The following PKN2 variants were observed in gnomAD, a reference collection of about 807,000 sequenced individuals.
PKN2 encodes serine/threonine-protein kinase N2.
A neutral mutation model predicts 119.1 loss-of-function variants in PKN2; 38 were observed. The ratio of observed to expected loss-of-function variants is 0.32; its 90% CI spans 0.25 to 0.42. PKN2 has a LOEUF of 0.42. Among genes scored for constraint, PKN2 ranks in the 10% least tolerant of loss-of-function variants. PKN2 has a pLI of 1.00. For missense variants in PKN2, 850 were observed against 1,165.1 expected, an observed-to-expected ratio of 0.73 and a Z score of 3.94; for synonymous variants, 390 against 384.9, an observed-to-expected ratio of 1.01 and a Z score of -0.15.
At chr1:88,745,999 G>A (rs1668753557) in intron 2 of PKN2, among the ~76,000 whole-genome samples, 1 of 152,090 alleles carries the variant, frequency 6.6e-6, no homozygotes, top group African/African-American at 2.4e-5. Context: ...TTCAATAAAT[G>A]GTGTTGGGAA....
rs1394563114 is a variant in PKN2, at chr1:88,731,774, G to C, written c.49-9214G>C. Reference sequence around the variant, plus strand: ...ACTACTCTGGGAACTGGGCCAGTGAGGAGTAAACATCCTCTCCTGTCTCTC... The same window carrying C: ...ACTACTCTGGGAACTGGGCCAGTGACGAGTAAACATCCTCTCCTGTCTCTC... On this transcript the variant is annotated intron_variant, in intron 1 of 21. Coordinates refer to ENST00000370521, the MANE Select transcript of PKN2 (RefSeq NM_006256.4). Among the ~76,000 whole-genome samples, 4 of 152,300 alleles carry C rather than the reference G, an allele frequency of 2.6e-5. No homozygotes were observed. In the East Asian group the frequency reaches 5.8e-4, roughly 22 times the overall value.
At chr1:88,812,212 C>T (rs1671807723) in intron 15 of PKN2, among the ~76,000 whole-genome samples, 1 of 152,124 alleles carries the variant, frequency 6.6e-6, no homozygotes, top group Non-Finnish European at 1.5e-5. Flanking sequence ...AGCCTTGCTC[C>T]TTTATCTCGC....
At chr1:88,813,489 TA>T (rs1445278623) in intron 15 of PKN2, 67 bp from the exon 16 acceptor site, 1 of 1,134,084 alleles carries the variant, frequency 8.8e-7, no homozygotes, top group Non-Finnish European at 1.2e-6. Context: ...TTTAGTAATT[TA>T]TAAAGAATGT....
In PKN2 at chr1:88,760,245, C is replaced by T. The variant is rs752005316; in HGVS notation, c.373C>T (p.Pro125Ser). The T allele has an allele frequency of 6.4e-7, 1 of 1,569,806 alleles. No homozygotes were observed. Among genetic ancestry groups the T allele is most frequent in the Non-Finnish European group, 8.7e-7 (1 of 1,146,336 alleles). The change falls in exon 3 of 22, where the codon CCA becomes TCA. Residue 125 changes from proline to serine, a missense_variant. This residue lies in a region of PKN2 where 350 missense variants were observed against 511.1 expected (regional missense o/e 0.68). Coordinates refer to ENST00000370521, the MANE Select transcript of PKN2 (RefSeq NM_006256.4). ...AGATTGCCCAAGGACTCCAGATACT[C>T]CAAATAATGACCCTCGTTGTTCTAC... ...ITDCPRTPDT[P>S]NNDPRCSTSN...
At chr1:88,720,854 A>G (rs1490548188) in intron 1 of PKN2, among the ~76,000 whole-genome samples, 1 of 152,098 alleles carries the variant, frequency 6.6e-6, no homozygotes, top group African/African-American at 2.4e-5. Context: ...CTTAGCTCCC[A>G]CTTATGAGTG....
chr1:88,761,354 A>T (rs1459384244), intron 3 of PKN2, among the ~76,000 whole-genome samples: 35 of 151,980 alleles, frequency 2.3e-4, no homozygotes, highest in Non-Finnish European at 8.8e-5. Flanking sequence ...TTATTTTAGT[A>T]GATATTTTTT....
intron 6 of PKN2, among the ~76,000 whole-genome samples, chr1:88,774,695 T>G (rs1053365490): frequency 2.6e-5 from 4 of 152,010 alleles, no homozygotes; most frequent in Non-Finnish European, 5.9e-5. Flanking sequence ...TTTGATTGAA[T>G]TTTTCTACTC....
intron 1 of PKN2, among the ~76,000 whole-genome samples, chr1:88,703,640 A>G (rs1049724975): frequency 1.3e-5 from 2 of 152,324 alleles, no homozygotes; most frequent in East Asian, 3.9e-4. Flanking sequence ...CTCTCATCAC[A>G]GAATATGACT....
At chr1:88,764,267 A>G (rs1570594852) in intron 3 of PKN2, among the ~76,000 whole-genome samples, 3 of 152,186 alleles carry the variant, frequency 2.0e-5, no homozygotes. Context: ...CTAGGTATCT[A>G]TTCTCCCAAG....
chr1:88,807,145 C>T (rs1350871418), intron 12 of PKN2, among the ~76,000 whole-genome samples, 168 bp from the exon 13 acceptor site: 1 of 151,878 alleles, frequency 6.6e-6, no homozygotes, highest in East Asian at 1.9e-4. Context: ...GTGAGACCCA[C>T]CTCTAAAAAA....
At chr1:88,785,343 C>A (rs116376397) in intron 7 of PKN2, among the ~76,000 whole-genome samples, 1 of 151,952 alleles carries the variant, frequency 6.6e-6, no homozygotes, top group Non-Finnish European at 1.5e-5. Flanking sequence ...AGGATGGTCT[C>A]GAACTCAGGG....
chr1:88,741,081 A>G lies in PKN2; in HGVS notation c.142A>G (p.Ile48Val). The part of the protein sequence containing the change: ...DTMVQQKLDD[I>V]KDRIKREIRK... Reference sequence around the variant, plus strand: ...AATGGTGCAGCAGAAATTGGATGATATCAAGGATCGAATTAAGAGAGAAAT... The same window carrying G: ...AATGGTGCAGCAGAAATTGGATGATGTCAAGGATCGAATTAAGAGAGAAAT... Residue 48 changes from isoleucine to valine, a missense_variant, in exon 2 of 22, where the codon ATC becomes GTC. Physicochemically the swap from Ile to Val is conservative, Grantham distance 29. Transcript: ENST00000370521. 6.2e-7 allele frequency: 1 copy of G among 1,610,554 alleles called. No individual in the cohort carries two copies. Among genetic ancestry groups the G allele is most frequent in the Non-Finnish European group, 8.5e-7 (1 of 1,178,370 alleles).
intron 17 of PKN2, 30 bp downstream of exon 17, chr1:88,822,033 C>CTTGCT (rs1672316552): frequency 8.9e-6 from 13 of 1,467,548 alleles, no homozygotes; most frequent in Non-Finnish European, 1.2e-5. Context: ...TTTCTAATGG[C>CTTGCT]TTGCTTTGGT....
intron 1 of PKN2, among the ~76,000 whole-genome samples, chr1:88,723,223 C>T (rs1667760233): frequency 6.7e-6 from 1 of 149,300 alleles, no homozygotes; most frequent in South Asian, 2.1e-4. Flanking sequence ...AAGCGATTCT[C>T]CTGCCTCAGC....
rs2100744837 is a variant in PKN2 at position 88,741,135 on chromosome 1, G to A, written c.196G>A (p.Ala66Thr). 1.2e-6 allele frequency: 2 copies of A among 1,612,808 alleles called. 1 individual carries two copies. Among genetic ancestry groups the A allele is most frequent in the Non-Finnish European group, 1.7e-6 (2 of 1,179,482 alleles). ...GAAAGAACTGAAAATCAAAGAAGGA[G>A]CTGAAAATCTGAGGAAAGTCACAAC... is the stretch of plus-strand genomic sequence containing the variant. ...IRKELKIKEG[A>T]ENLRKVTTDK... The change falls in exon 2 of 22, where the codon GCT (alanine) becomes ACT (threonine). Residue 66 changes from alanine to threonine, a missense_variant. Around this residue, in one of 9 missense-constraint regions of PKN2, gnomAD observed 350 missense variants for 511.1 expected, o/e 0.68. Transcript: ENST00000370521.
intron 18 of PKN2, 124 bp from the exon 19 acceptor site, chr1:88,828,357 C>T (rs1570694364): frequency 1.4e-6 from 1 of 719,206 alleles, no homozygotes; most frequent in Non-Finnish European, 2.3e-6. Context: ...TTAGATATGT[C>T]TGAATTTGTT....
intron 3 of PKN2, among the ~76,000 whole-genome samples, chr1:88,763,605 C>T (rs1272344928): frequency 1.3e-5 from 1 of 78,668 alleles, no homozygotes; most frequent in Admixed American, 1.5e-4. Flanking sequence ...AAAACTCCAT[C>T]TCAAAAAAAA....
chr1:88,828,391 T>C (rs1259186868), intron 18 of PKN2, 90 bp from the exon 19 acceptor site: 1 of 1,127,352 alleles, frequency 8.9e-7, no homozygotes, highest in Non-Finnish European at 1.3e-6. Context: ...TGTGCAACTT[T>C]AATTTTGCCT....
At position 88,804,981 on chromosome 1, in the gene PKN2, A is replaced by G. The variant is rs577698521; in HGVS notation, c.1501+60A>G. On this transcript the variant is annotated intron_variant, in intron 10 of 21. Transcript: ENST00000370521. ...TATTTTCTTAAACAATCTAATTACC[A>G]TTTAAAAAGTAATAGCCATCTGTGT... 87 of 806,312 alleles carry G rather than the reference A, an allele frequency of 1.1e-4. No individual in the cohort carries two copies. The South Asian group carries it at 1.3e-3, about 12-fold the overall frequency. The allele number at this position is 806,312 out of a possible 1,614,324, so 49.9% of individuals were successfully genotyped here. A position where few individuals can be genotyped will look rare whatever the true frequency, so the allele number is the denominator to read the frequency against.
Sources: gnomAD v4.1 joint callset for allele counts (sites outside exome capture counted in the v4.1 genomes callset) on GRCh38, gnomAD v4.1.1 for gene constraint, gnomAD v4.1.1 regional missense constraint, MANE v1.5 for transcripts, NCBI Gene and HGNC (gene_info 2026-07-23, HGNC 2026-07-21) for gene names.